Variants in PLXNB3 observed in about 807,000 individuals in gnomAD.
The protein encoded by PLXNB3 is plexin B3.
In PLXNB3, 80 loss-of-function variants were observed where a neutral mutation model predicts 125.7. The observed-to-expected ratio is 0.64, with a 90% CI of 0.53 to 0.77. The LOEUF is 0.77. PLXNB3 is among the 30% of genes least tolerant of loss of function. PLXNB3 has a pLI of 0.00. For missense variants in PLXNB3, 1,836 were observed against 1,729.3 expected, an observed-to-expected ratio of 1.06 and a Z score of -1.09; for synonymous variants, 954 against 783.3, an observed-to-expected ratio of 1.22 and a Z score of -3.64.
intron 2 of PLXNB3, chrX:153,766,556 C>T: frequency 6.8e-6 from 7 of 1,036,797 alleles, no homozygotes; most frequent in Non-Finnish European, 8.6e-6. Flanking sequence ...CAGGACCTGC[C>T]CCCCTTCAAC....
At chrX:153,777,779 G>A (rs1557065004) in intron 31 of PLXNB3, 91 bp downstream of exon 31, 2 of 1,093,672 alleles carry the variant, frequency 1.8e-6, no homozygotes, top group Non-Finnish European at 2.5e-6. Flanking sequence ...GCGCCCACCT[G>A]GGGTTTCTGG....
intron 3 of PLXNB3, 151 bp from the exon 4 acceptor site, chrX:153,768,098 T>C (rs1208715736): frequency 2.5e-6 from 2 of 784,773 alleles, no homozygotes; most frequent in Non-Finnish European, 3.6e-6. Flanking sequence ...TGCTATGAGC[T>C]TGCCAGGTGC....
intron 2 of PLXNB3, 84 bp from the exon 3 acceptor site, chrX:153,766,789 G>A (rs1557059345): frequency 1.5e-5 from 17 of 1,099,754 alleles, no homozygotes; most frequent in Non-Finnish European, 2.0e-5. Context: ...GAGCACCCTG[G>A]CCTCTGTCCA....
rs782559644 is a variant in PLXNB3, at chrX:153,773,278, G to A, written c.2955G>A (p.Gln985=). The change falls in exon 18 of 36, where the codon CAG becomes CAA. Residue 985 remains glutamine, a synonymous_variant. Coordinates refer to ENST00000361971, the MANE Select transcript of PLXNB3 (RefSeq NM_005393.3). The stretch of plus-strand genomic sequence containing the variant: ...CCATCGTGTGCCGTACCAGGCCCCA[G>A]GCTGCCCCAGGAGAAGCAGCGGTCC... ...PEAIVCRTRP[Q]AAPGEAAVLV... 8.3e-7 allele frequency: 1 copy of A among 1,210,096 alleles called. No individual in the cohort carries two copies. The highest frequency in any genetic ancestry group is 1.1e-6 in the Non-Finnish European group (1 of 894,830).
rs985048866 is a variant in PLXNB3 at position 153,767,640 on chromosome X, C to T, written c.813C>T (p.Thr271=). The change falls in exon 3 of 36, where the codon ACC becomes ACT. Residue 271 remains threonine, a synonymous_variant. Transcript: ENST00000361971. ...SYVARVCLGD[T]NLYSYVEVPL... ...TGGCCCGCGTCTGCCTGGGGGACAC[C>T]AACCTGTACTCCTACGTGGAGGTCC... The T allele has an allele frequency of 2.8e-5, 34 of 1,196,998 alleles. No homozygotes were observed. The highest frequency in any genetic ancestry group is 3.7e-5 in the Non-Finnish European group (33 of 888,538).
At chrX:153,766,362 C>T (rs782314044) in intron 2 of PLXNB3, 1,154 of 1,121,714 alleles carry the variant, frequency 1.0e-3, no homozygotes, top group Non-Finnish European at 1.3e-3. Flanking sequence ...TTGGGGCACA[C>T]GGTGGCCTCA....
Position 153,768,238 on chromosome X carries a change from C to T in PLXNB3, c.1087-11C>T. The T allele has an allele frequency of 8.5e-7, 1 of 1,176,731 alleles. No individual in the cohort carries two copies. The highest frequency in any genetic ancestry group is 1.1e-6 in the Non-Finnish European group (1 of 872,105). ...CTTCCGGGGGCTGATTCTCCACTTC[C>T]TGCCACGTAGGATTCCCCCGAGTCG... On this transcript the variant is annotated splice_polypyrimidine_tract_variant and intron_variant, in intron 3 of 35. Coordinates refer to ENST00000361971, the MANE Select transcript of PLXNB3 (RefSeq NM_005393.3).
In PLXNB3 at chrX:153,764,985, C is replaced by T. The variant is rs782430710; in HGVS notation, c.-65-486C>T. ...GGGGTGTGGAGGAAGATCTTTTGGA[C>T]AAAGGCAGGCATTGAGGGCCAGGAC... On this transcript the variant is annotated intron_variant, in intron 1 of 35. Coordinates refer to ENST00000361971, the MANE Select transcript of PLXNB3 (RefSeq NM_005393.3). Among the ~76,000 whole-genome samples, 4 of 113,218 alleles carry T rather than the reference C, an allele frequency of 3.5e-5. No homozygotes were observed. In the East Asian group the frequency reaches 1.1e-3, roughly 31 times the overall value.
chrX:153,776,073 G>T lies in PLXNB3; in HGVS notation c.4588G>T (p.Ala1530Ser). ...GGTGGGGCCCGGGGCTGGCGGGGCC[G>T]CAGGCAGCAGCGAGATGCAGCGCGT... is the stretch of plus-strand genomic sequence containing the variant. ...VLVGPGAGGAAGSSEMQRVPA... is the reference protein window; with the variant it reads ...VLVGPGAGGASGSSEMQRVPA... Residue 1530 changes from alanine to serine, a missense_variant, in exon 27 of 36, where the codon GCA (alanine) becomes TCA (serine). Physicochemically the swap from Ala to Ser is moderately conservative, Grantham distance 99. Transcript: ENST00000361971. 8.4e-7 allele frequency: 1 copy of T among 1,194,107 alleles called. No individual in the cohort carries two copies. The highest frequency in any genetic ancestry group is 1.1e-6 in the Non-Finnish European group (1 of 886,902).
chrX:153,765,581 G>GT lies in PLXNB3; in HGVS notation c.45+2dup. 1 of 1,192,816 alleles carries GT rather than the reference G, an allele frequency of 8.4e-7. No homozygotes were observed. The highest frequency in any genetic ancestry group is 1.1e-6 in the Non-Finnish European group (1 of 885,714). On this transcript the variant is annotated splice_donor_variant, in intron 2 of 35. Transcript: ENST00000361971. LOFTEE classifies it high-confidence loss of function. ...GACCCCTCTGCTGCACCACTTCATG[G>GT]TAAGTGCCCAGGCCCGGTGTCCCCA...
intron 12 of PLXNB3, 52 bp downstream of exon 12, chrX:153,771,133 A>G (rs2091924227): frequency 9.4e-7 from 1 of 1,059,968 alleles, no homozygotes; most frequent in Non-Finnish European, 1.3e-6. Flanking sequence ...GTAGACCCTC[A>G]GGGGTCTGCC....
At position 153,766,866 on chromosome X, in the gene PLXNB3, C is replaced by T. The variant is rs2091864376; in HGVS notation, c.46-7C>T. ...CTCCCACTGCCCTGACCTGTGCCCT[C>T]TCACAGGCCCCCGTGATGGCTCGCT... On this transcript the variant is annotated splice_polypyrimidine_tract_variant and splice_region_variant and intron_variant, in intron 2 of 35. Transcript: ENST00000361971. 8.4e-7 allele frequency: 1 copy of T among 1,188,643 alleles called. No individual in the cohort carries two copies. Among genetic ancestry groups the T allele is most frequent in the African/African-American group, 1.7e-5 (1 of 57,474 alleles).
chrX:153,772,145 C>CT, intron 15 of PLXNB3, 37 bp from the exon 16 acceptor site: 1 of 892,014 alleles, frequency 1.1e-6, no homozygotes, highest in Non-Finnish European at 1.4e-6. Context: ...CCCTCCGTCC[C>CT]TGAGCCCTGA....
At position 153,773,963 on chromosome X, in the gene PLXNB3, C is replaced by T. The variant is rs1569542058; in HGVS notation, c.3384C>T (p.Asn1128=). 1.2e-5 allele frequency: 15 copies of T among 1,209,661 alleles called. No individual in the cohort carries two copies. The highest frequency in any genetic ancestry group is 1.7e-5 in the African/African-American group (1 of 57,571). The part of the protein sequence containing the change: ...HPQRVFFTLD[N]VQVDFASASG... Reference sequence around the variant, plus strand: ...AGCGGGTCTTCTTCACCCTAGACAACGTGCAAGTGGACTTCGCCAGTGCCA... The same window carrying T: ...AGCGGGTCTTCTTCACCCTAGACAATGTGCAAGTGGACTTCGCCAGTGCCA... The change falls in exon 20 of 36, where the codon AAC becomes AAT. Residue 1128 remains asparagine, a synonymous_variant. Coordinates refer to ENST00000361971, the MANE Select transcript of PLXNB3 (RefSeq NM_005393.3).
intron 1 of PLXNB3, among the ~76,000 whole-genome samples, chrX:153,765,174 C>T (rs2091843242): frequency 8.8e-6 from 1 of 113,017 alleles, no homozygotes; most frequent in Non-Finnish European, 1.9e-5. Flanking sequence ...AACCCCGGCC[C>T]TTTGTCCCCG....
rs1557060611 is a variant in PLXNB3, at chrX:153,769,189, C to A, written c.1423C>A (p.Pro475Thr). 8.4e-7 allele frequency: 1 copy of A among 1,184,525 alleles called. No homozygotes were observed. Among genetic ancestry groups the A allele is most frequent in the Admixed American group, 2.4e-5 (1 of 41,877 alleles). ...QVDRIPVAACPQFPDCASCLQ... is the reference protein window; with the variant it reads ...QVDRIPVAACTQFPDCASCLQ... ...GGACCGGATACCTGTGGCAGCCTGC[C>A]CCCAGTTCCCTGACTGTGCCAGCTG... is the stretch of plus-strand genomic sequence containing the variant. The change falls in exon 6 of 36, where the codon CCC becomes ACC. Residue 475 changes from proline (P) to threonine (T), a missense_variant. Coordinates refer to ENST00000361971, the MANE Select transcript of PLXNB3 (RefSeq NM_005393.3).
chrX:153,771,225 T>C (rs1366115319), intron 12 of PLXNB3, 85 bp from the exon 13 acceptor site: 1 of 953,712 alleles, frequency 1.0e-6, no homozygotes, highest in African/African-American at 1.9e-5. Context: ...AACAATCACA[T>C]TCATTCTGGG....
At position 153,767,874 on chromosome X, in the gene PLXNB3, G is replaced by A; in HGVS notation, c.1047G>A (p.Val349=). The A allele has an allele frequency of 1.8e-6, 2 of 1,115,796 alleles. No homozygotes were observed. Among genetic ancestry groups the A allele is most frequent in the African/African-American group, 3.6e-5 (2 of 55,268 alleles). 92.0% of individuals were successfully genotyped at this position (1,115,796 alleles called of 1,213,427 possible). The part of the protein sequence containing the change: ...RGPSGAEEAT[V]EYGVTSRCVT... ...CCAGCGGCGCAGAGGAAGCCACCGT[G>A]GAGTACGGCGTCACGTCGCGCTGCG... Residue 349 remains valine, a synonymous_variant, in exon 3 of 36, where the codon GTG becomes GTA. Coordinates refer to ENST00000361971, the MANE Select transcript of PLXNB3 (RefSeq NM_005393.3).
At chrX:153,768,735 C>G (rs1196436415) in intron 4 of PLXNB3, among the ~76,000 whole-genome samples, 2 of 112,398 alleles carry the variant, frequency 1.8e-5, no homozygotes, top group South Asian at 3.7e-4. Flanking sequence ...GGGGCCTCAC[C>G]CAGGGTGCCG....
Sources: gnomAD v4.1 joint callset for allele counts (sites outside exome capture counted in the v4.1 genomes callset) on GRCh38, gnomAD v4.1.1 for gene constraint, MANE v1.5 for transcripts, NCBI Gene and HGNC (gene_info 2026-07-23, HGNC 2026-07-21) for gene names.